The following GNAQ variants were observed in gnomAD, a reference collection of about 807,000 sequenced individuals.
GNAQ encodes the protein guanine nucleotide-binding protein G(q) subunit alpha.
GNAQ carries 8 observed loss-of-function variants against 43.9 expected under a neutral mutation model. The observed-to-expected ratio is 0.18, with a 90% confidence interval of 0.11 to 0.33. The LOEUF is 0.33. GNAQ is among the 10% of genes least tolerant of loss of function. The pLI, the probability that GNAQ is intolerant of heterozygous loss-of-function variation, is 1.00. For missense variants in GNAQ, 158 were observed against 450.8 expected, an observed-to-expected ratio of 0.35 and a Z score of 5.88; for synonymous variants, 155 against 170.7, an observed-to-expected ratio of 0.91 and a Z score of 0.71.
At chr9:77,969,970 G>C (rs909992665) in intron 1 of GNAQ, among the ~76,000 whole-genome samples, 9 of 152,162 alleles carry the variant, frequency 5.9e-5, no homozygotes, top group African/African-American at 1.9e-4. Context: ...TGTAATCCCA[G>C]CACTCTGGGA....
chr9:77,738,676 A>G (rs1825609023), intron 5 of GNAQ, among the ~76,000 whole-genome samples: 1 of 152,204 alleles, frequency 6.6e-6, no homozygotes, highest in African/African-American at 2.4e-5. Flanking sequence ...CACTAGCTAC[A>G]TGTGGCTACT....
intron 1 of GNAQ, among the ~76,000 whole-genome samples, chr9:77,964,059 G>A (rs748568950): frequency 2.6e-5 from 4 of 151,982 alleles, no homozygotes; most frequent in Non-Finnish European, 1.5e-5. Flanking sequence ...GGCTTATGTT[G>A]GGAAATGAAG....
intron 1 of GNAQ, among the ~76,000 whole-genome samples, chr9:77,954,925 T>C (rs1427253669): frequency 6.6e-6 from 1 of 152,174 alleles, no homozygotes. Flanking sequence ...GCACTCTGGG[T>C]AACATGTTCA....
intron 1 of GNAQ, among the ~76,000 whole-genome samples, chr9:77,980,227 G>A (rs993765136): frequency 1.3e-5 from 2 of 152,162 alleles, no homozygotes; most frequent in African/African-American, 4.8e-5. Flanking sequence ...AAGGCAGACT[G>A]TGATGTGTAT....
At chr9:77,766,663 A>T (rs1826141786) in intron 5 of GNAQ, among the ~76,000 whole-genome samples, 1 of 151,954 alleles carries the variant, frequency 6.6e-6, no homozygotes, top group Non-Finnish European at 1.5e-5. Flanking sequence ...GAGGCTGGGG[A>T]TGTCAGACAA....
intron 1 of GNAQ, among the ~76,000 whole-genome samples, chr9:77,937,258 A>G (rs1050669184): frequency 4.0e-5 from 6 of 151,882 alleles, no homozygotes; most frequent in Non-Finnish European, 7.4e-5. Flanking sequence ...TGGCCAACAT[A>G]GTGAAATCCT....
intron 1 of GNAQ, among the ~76,000 whole-genome samples, chr9:77,992,461 A>G (rs1823519457): frequency 6.6e-6 from 1 of 152,106 alleles, no homozygotes; most frequent in Non-Finnish European, 1.5e-5. Flanking sequence ...TTGTTTTTTT[A>G]ATTTTTTAAA....
At chr9:78,025,270 T>TCAAA (rs1278647806) in intron 1 of GNAQ, among the ~76,000 whole-genome samples, 1 of 152,212 alleles carries the variant, frequency 6.6e-6, no homozygotes, top group Non-Finnish European at 1.5e-5. Flanking sequence ...ATGTAACAAA[T>TCAAA]CAAAGGTGAT....
chr9:77,812,366 A>G (rs1310982242), intron 3 of GNAQ, among the ~76,000 whole-genome samples: 1 of 152,206 alleles, frequency 6.6e-6, no homozygotes, highest in Non-Finnish European at 1.5e-5. Context: ...CACCATGGGT[A>G]AACAAGTGTA....
At chr9:77,838,552 C>G (rs1827431632) in intron 2 of GNAQ, among the ~76,000 whole-genome samples, 1 of 151,896 alleles carries the variant, frequency 6.6e-6, no homozygotes, top group South Asian at 2.1e-4. Context: ...TGGGAAGCAA[C>G]TATATTTCTG....
intron 1 of GNAQ, among the ~76,000 whole-genome samples, chr9:78,027,743 C>T (rs1251108254): frequency 8.7e-6 from 1 of 114,934 alleles, no homozygotes. Flanking sequence ...AAGAGCAAAA[C>T]TCCATCTCAA....
chr9:77,937,463 T>G (rs967573083), intron 1 of GNAQ, among the ~76,000 whole-genome samples: 1 of 152,020 alleles, frequency 6.6e-6, no homozygotes, highest in Non-Finnish European at 1.5e-5. Flanking sequence ...ATAAATAAAA[T>G]GTAGAGTTCA....
chr9:77,837,272 G>A (rs1827404457), intron 2 of GNAQ, among the ~76,000 whole-genome samples: 1 of 152,016 alleles, frequency 6.6e-6, no homozygotes, highest in Non-Finnish European at 1.5e-5. Flanking sequence ...AGTTGTTTCT[G>A]GCAGGCTGGT....
chr9:77,937,095 T>G (rs1021193130), intron 1 of GNAQ, among the ~76,000 whole-genome samples: 1 of 152,230 alleles, frequency 6.6e-6, no homozygotes, highest in Non-Finnish European at 1.5e-5. Flanking sequence ...AATTTTTTTC[T>G]AAATAACGGC....
chr9:77,725,654 T>C (rs1294119497), intron 6 of GNAQ, among the ~76,000 whole-genome samples: 5 of 135,990 alleles, frequency 3.7e-5, no homozygotes, highest in Admixed American at 2.3e-4. Flanking sequence ...GGAAGGAAAA[T>C]GCTTGTAGTG....
chr9:77,991,167 G>A (rs1178028581), intron 1 of GNAQ, among the ~76,000 whole-genome samples: 2 of 152,166 alleles, frequency 1.3e-5, no homozygotes, highest in African/African-American at 4.8e-5. Context: ...CATATCATTT[G>A]TTCACTCAGA....
At chr9:77,816,935 A>G (rs975628739) in intron 2 of GNAQ, among the ~76,000 whole-genome samples, 41 of 152,194 alleles carry the variant, frequency 2.7e-4, no homozygotes, top group African/African-American at 9.7e-4. Context: ...AGGAAGCTCA[A>G]CACACTAAGA....
At chr9:77,847,655 T>C (rs1035684985) in intron 2 of GNAQ, among the ~76,000 whole-genome samples, 3 of 152,122 alleles carry the variant, frequency 2.0e-5, no homozygotes, top group African/African-American at 7.2e-5. Context: ...AGTGGGGAGG[T>C]AAAATAAGGA....
intron 1 of GNAQ, among the ~76,000 whole-genome samples, chr9:77,924,898 C>G (rs879682662): frequency 1.8e-4 from 28 of 152,006 alleles, no homozygotes; most frequent in Non-Finnish European, 2.6e-4. Context: ...GGGATTTCAA[C>G]AGCTTTGTTA....
Sources: allele counts gnomAD v4.1 joint callset (sites outside exome capture counted in the v4.1 genomes callset), GRCh38; gene constraint gnomAD v4.1.1; transcripts MANE v1.5; gene names NCBI Gene and HGNC (gene_info 2026-07-23, HGNC 2026-07-21).